HAS1: variants seen among roughly 807,000 people sequenced by gnomAD.
The protein encoded by HAS1 is HA synthase 1.
In HAS1, 27 loss-of-function variants were observed where a neutral mutation model predicts 35.0. The ratio of observed to expected loss-of-function variants is 0.77; its 90% CI spans 0.57 to 1.06. The LOEUF (loss-of-function observed/expected upper bound fraction) is 1.06, where lower values mean the gene tolerates loss of function less well. Ranked by LOEUF, HAS1 falls within the 50% of genes least tolerant of loss-of-function variation. HAS1 has a pLI of 0.00. For synonymous variants in HAS1, 409 were observed against 371.2 expected (o/e 1.10, Z -1.17); for missense variants, 940 against 814.8 (o/e 1.15, Z -1.87).
Position 51,713,235 on chromosome 19 carries a change from A to G in HAS1, c.*192T>C, listed in dbSNP as rs1197928850. On this transcript the variant is annotated 3_prime_UTR_variant, in exon 5 of 5. Transcript: ENST00000540069. The surrounding 1 kb of genome is among the most constrained non-coding windows in gnomAD (Gnocchi z 4.5). Reference sequence around the variant, plus strand: ...AGATCCCACACCCTGACCAATAAATACCCTCCCTGGAGACCCAGAAGTCCC... The same window carrying G: ...AGATCCCACACCCTGACCAATAAATGCCCTCCCTGGAGACCCAGAAGTCCC... 6.1e-6 allele frequency: 3 copies of G among 490,734 alleles called. No homozygotes were observed. In the East Asian group the frequency reaches 1.0e-4, roughly 16 times the overall value. The allele number at this position is 490,734 out of a possible 1,614,324, so 30.4% of individuals were successfully genotyped here.
rs1253704835 is a variant in HAS1, at chr19:51,713,364, G to T, written c.*63C>A. On this transcript the variant is annotated 3_prime_UTR_variant, in exon 5 of 5. Transcript: ENST00000540069. The surrounding 1 kb of genome is among the most constrained non-coding windows in gnomAD (Gnocchi z 4.5). ...ACCACCCAGCAAGTTCGTGGCTCGG[G>T]GCCCAGCAGCTCTCCTCTGGCCTCC... 7.1e-6 allele frequency: 10 copies of T among 1,402,656 alleles called. No homozygotes were observed. In the East Asian group the frequency reaches 2.2e-4, roughly 30 times the overall value. The allele number at this position is 1,402,656 out of a possible 1,614,324, so 86.9% of individuals were successfully genotyped here. A position where few individuals can be genotyped will look rare whatever the true frequency, so the allele number is the denominator to read the frequency against.
chr19:51,717,285 C>T lies in HAS1; in HGVS notation c.700-92G>A, dbSNP rs1270845140. 3.8e-6 allele frequency: 3 copies of T among 786,278 alleles called. No individual in the cohort carries two copies. In the African/African-American group the frequency reaches 5.1e-5, roughly 13 times the overall value. The allele number at this position is 786,278 out of a possible 1,614,324, so 48.7% of individuals were successfully genotyped here. On this transcript the variant is annotated intron_variant, in intron 2 of 4. Transcript: ENST00000540069. Reference sequence around the variant, plus strand: ...ATCAAGGGGTGCAATGCAGCTGGGGCACTCTGCAACCGATCTGAACATAAT... The same window carrying T: ...ATCAAGGGGTGCAATGCAGCTGGGGTACTCTGCAACCGATCTGAACATAAT...
chr19:51,714,126 G>T lies in HAS1; in HGVS notation c.1059-24C>A, dbSNP rs772837093. ...ACCTGCACGGGGGCGAGGAATGAGGGCATCATCGCGTGCTCCCTGGGGCCT... is the reference window on the plus strand; with the variant it reads ...ACCTGCACGGGGGCGAGGAATGAGGTCATCATCGCGTGCTCCCTGGGGCCT... On this transcript the variant is annotated intron_variant, in intron 4 of 4. Transcript: ENST00000540069. 4 of 1,600,022 alleles carry T rather than the reference G, an allele frequency of 2.5e-6. No individual in the cohort carries two copies. The South Asian group carries it at 4.5e-5, about 18-fold the overall frequency.
chr19:51,713,853 G>C lies in HAS1; in HGVS notation c.1308C>G (p.Cys436Trp), dbSNP rs540354288. ...RPWALLWVLL[C>W]VQGVALAKAA... ...CCTTGGCCAGTGCCACGCCCTGCAC[G>C]CACAGCAGCACCCACAGCAGCGCCC... Residue 436 changes from cysteine (C) to tryptophan (W), a missense_variant, in exon 5 of 5, where the codon TGC becomes TGG. Coordinates refer to ENST00000540069, the MANE Select transcript of HAS1 (RefSeq NM_001297436.2). The surrounding 1 kb of genome is among the most constrained non-coding windows in gnomAD (Gnocchi z 4.5). 1 of 1,606,720 alleles carries C rather than the reference G, an allele frequency of 6.2e-7. No homozygotes were observed. Among genetic ancestry groups the C allele is most frequent in the East Asian group, 2.2e-5 (1 of 44,854 alleles).
rs894394916 is a variant in HAS1, at chr19:51,719,406, G to T, written c.499C>A (p.Gln167Lys). 1 of 1,567,006 alleles carries T rather than the reference G, an allele frequency of 6.4e-7. No homozygotes were observed. Among genetic ancestry groups the T allele is most frequent in the East Asian group, 2.4e-5 (1 of 41,806 alleles). The change falls in exon 2 of 5, where the codon CAG (glutamine) becomes AAG (lysine). Residue 167 changes from glutamine to lysine, a missense_variant. By Grantham distance (53) the Gln-to-Lys change is moderately conservative. Coordinates refer to ENST00000540069, the MANE Select transcript of HAS1 (RefSeq NM_001297436.2). ...ATYVWDGNYH[Q>K]PWEPAAAGAV... ...CCCGCCGCCGCGGGTTCCCAGGGCTGGTGGTAGTTGCCGTCCCACACGTAC... is the reference window on the plus strand; with the variant it reads ...CCCGCCGCCGCGGGTTCCCAGGGCTTGTGGTAGTTGCCGTCCCACACGTAC...
intron 2 of HAS1, among the ~76,000 whole-genome samples, chr19:51,718,654 A>G (rs1038091827): frequency 6.6e-6 from 1 of 152,162 alleles, no homozygotes; most frequent in Admixed American, 6.5e-5. Flanking sequence ...CTCCTCCCTC[A>G]GCCTCCCGAG....
rs1176908583 is a variant in HAS1 at position 51,713,903 on chromosome 19, G to C, written c.1258C>G (p.Arg420Gly). 4.4e-6 allele frequency: 7 copies of C among 1,606,892 alleles called. No individual in the cohort carries two copies. Among genetic ancestry groups the C allele is most frequent in the East Asian group, 2.2e-5 (1 of 44,890 alleles). ...FPFFVAATVLRLFYAGRPWAL... is the reference protein window; with the variant it reads ...FPFFVAATVLGLFYAGRPWAL... Reference sequence around the variant, plus strand: ...CAAGGGCGGCCCGCGTAGAACAGACGCAGCACAGTGGCCGCCACGAAGAAG... The same window carrying C: ...CAAGGGCGGCCCGCGTAGAACAGACCCAGCACAGTGGCCGCCACGAAGAAG... The change falls in exon 5 of 5, where the codon CGT (arginine) becomes GGT (glycine). Residue 420 changes from arginine (R) to glycine (G), a missense_variant. By Grantham distance (125) the Arg-to-Gly change is moderately radical. Transcript: ENST00000540069. The surrounding 1 kb of genome is among the most constrained non-coding windows in gnomAD (Gnocchi z 4.5).
chr19:51,713,366 C>A lies in HAS1; in HGVS notation c.*61G>T. On this transcript the variant is annotated 3_prime_UTR_variant, in exon 5 of 5. Coordinates refer to ENST00000540069, the MANE Select transcript of HAS1 (RefSeq NM_001297436.2). This position sits in a 1 kb window ranked among gnomAD's most constrained non-coding sequence, Gnocchi z 4.5. ...CACCCAGCAAGTTCGTGGCTCGGGG[C>A]CCAGCAGCTCTCCTCTGGCCTCCCC... 7.1e-7 allele frequency: 1 copy of A among 1,406,472 alleles called. No homozygotes were observed. The allele number at this position is 1,406,472 out of a possible 1,614,324, so 87.1% of individuals were successfully genotyped here. A position where few individuals can be genotyped will look rare whatever the true frequency, so the allele number is the denominator to read the frequency against.
intron 1 of HAS1, among the ~76,000 whole-genome samples, chr19:51,720,897 G>A (rs1225343850): frequency 6.6e-6 from 1 of 152,114 alleles, no homozygotes; most frequent in Non-Finnish European, 1.5e-5. Flanking sequence ...CATACAATGA[G>A]GATTTATCTC....
chr19:51,717,015 GC>G lies in HAS1; in HGVS notation c.877del (p.Ala293LeufsTer16). 1 of 1,614,068 alleles carries G rather than the reference GC, an allele frequency of 6.2e-7. No individual in the cohort carries two copies. Among genetic ancestry groups the G allele is most frequent in the Admixed American group, 1.7e-5 (1 of 60,022 alleles). ...TACACAGTGGAAGTAGCTCTGACAA[GC>G]CCGCTCCACATTGAAGGCTACCCAG... is the stretch of plus-strand genomic sequence containing the variant. ...RYWVAFNVER[A>X]CQSYFHCVSC... is the part of the protein sequence containing the mutation. On this transcript the variant is annotated frameshift_variant, in exon 3 of 5. Coordinates refer to ENST00000540069, the MANE Select transcript of HAS1 (RefSeq NM_001297436.2). LOFTEE classifies it high-confidence loss of function.
In HAS1 at chr19:51,714,063, C is replaced by T. The variant is rs1467478519; in HGVS notation, c.1098G>A (p.Ser366=). 1.2e-6 allele frequency: 2 copies of T among 1,613,674 alleles called. No individual in the cohort carries two copies. The highest frequency in any genetic ancestry group is 1.7e-5 in the Admixed American group (1 of 59,956). The change falls in exon 5 of 5, where the codon TCG becomes TCA. Residue 366 remains serine, a synonymous_variant. Coordinates refer to ENST00000540069, the MANE Select transcript of HAS1 (RefSeq NM_001297436.2). ...GCTGGCTCAGCCACCGCAGGAAGGA[C>T]GAGGGCGTCTCTGAGTAGCAGCGGG... ...SRSRCYSETP[S]SFLRWLSQQT...
Position 51,713,680 on chromosome 19 carries a change from T to A in HAS1, c.1481A>T (p.Lys494Met), listed in dbSNP as rs1315878380. The A allele has an allele frequency of 6.3e-7, 1 of 1,587,376 alleles. No homozygotes were observed. The highest frequency in any genetic ancestry group is 1.3e-5 in the African/African-American group (1 of 74,360). ...QSGWGTSGRRKLAANYVPLLP... is the reference protein window; with the variant it reads ...QSGWGTSGRRMLAANYVPLLP... ...CAGAGGGACGTAGTTAGCGGCCAGC[T>A]TCCGCCGGCCCGAGGTGCCCCAGCC... is the stretch of plus-strand genomic sequence containing the variant. The change falls in exon 5 of 5, where the codon AAG becomes ATG. Residue 494 changes from lysine to methionine, a missense_variant. Lys to Met is a moderately conservative substitution (Grantham distance 95). Coordinates refer to ENST00000540069, the MANE Select transcript of HAS1 (RefSeq NM_001297436.2). This position sits in a 1 kb window ranked among gnomAD's most constrained non-coding sequence, Gnocchi z 4.5.
chr19:51,716,415 T>C (rs1174264409), intron 3 of HAS1, 27 bp from the exon 4 acceptor site: 2 of 1,589,612 alleles, frequency 1.3e-6, no homozygotes, highest in African/African-American at 1.3e-5. Context: ...TGTGAAAGAG[T>C]GTCAGCCTCT....
Position 51,713,354 on chromosome 19 carries a change from CG to C in HAS1, c.*72del. 1.5e-6 allele frequency: 2 copies of C among 1,372,494 alleles called. No homozygotes were observed. Among genetic ancestry groups the C allele is most frequent in the Non-Finnish European group, 1.9e-6 (2 of 1,047,746 alleles). The allele number at this position is 1,372,494 out of a possible 1,614,324, so 85.0% of individuals were successfully genotyped here. A position where few individuals can be genotyped will look rare whatever the true frequency, so the allele number is the denominator to read the frequency against. ...GGCCCAGAGAACCACCCAGCAAGTT[CG>C]TGGCTCGGGGCCCAGCAGCTCTCCT... On this transcript the variant is annotated 3_prime_UTR_variant, in exon 5 of 5. Coordinates refer to ENST00000540069, the MANE Select transcript of HAS1 (RefSeq NM_001297436.2). The surrounding 1 kb of genome is among the most constrained non-coding windows in gnomAD (Gnocchi z 4.5).
chr19:51,713,776 A>G lies in HAS1; in HGVS notation c.1385T>C (p.Leu462Pro), dbSNP rs538087580. The change falls in exon 5 of 5, where the codon CTC becomes CCC. Residue 462 changes from leucine to proline, a missense_variant. Coordinates refer to ENST00000540069, the MANE Select transcript of HAS1 (RefSeq NM_001297436.2). This position sits in a 1 kb window ranked among gnomAD's most constrained non-coding sequence, Gnocchi z 4.5. ...GCCACACATGTAGAGGGGCGCGTAG[A>G]GCGACAGAAGCACCATGCGCAGGCA... ...RGCLRMVLLS[L>P]YAPLYMCGLL... 1.2e-6 allele frequency: 2 copies of G among 1,604,854 alleles called. No individual in the cohort carries two copies. The highest frequency in any genetic ancestry group is 2.2e-5 in the South Asian group (2 of 90,072).
chr19:51,714,065 A>T lies in HAS1; in HGVS notation c.1096T>A (p.Ser366Thr). Residue 366 changes from serine to threonine, a missense_variant, in exon 5 of 5, where the codon TCG becomes ACG. By Grantham distance (58) the Ser-to-Thr change is moderately conservative. Transcript: ENST00000540069. ...SRSRCYSETP[S>T]SFLRWLSQQT... is the part of the protein sequence containing the mutation. ...TGGCTCAGCCACCGCAGGAAGGACG[A>T]GGGCGTCTCTGAGTAGCAGCGGGAC... The T allele has an allele frequency of 6.2e-7, 1 of 1,613,704 alleles. No individual in the cohort carries two copies. The highest frequency in any genetic ancestry group is 8.5e-7 in the Non-Finnish European group (1 of 1,179,890).
chr19:51,720,278 C>T (rs1291846340), intron 1 of HAS1, among the ~76,000 whole-genome samples: 1 of 151,730 alleles, frequency 6.6e-6, no homozygotes. Context: ...CAACTCCTGG[C>T]TAATTTTTAA....
In HAS1 at chr19:51,713,725, A is replaced by G. The variant is rs759740307; in HGVS notation, c.1436T>C (p.Leu479Pro). The change falls in exon 5 of 5, where the codon CTA becomes CCA. Residue 479 changes from leucine to proline, a missense_variant. Coordinates refer to ENST00000540069, the MANE Select transcript of HAS1 (RefSeq NM_001297436.2). The surrounding 1 kb of genome is among the most constrained non-coding windows in gnomAD (Gnocchi z 4.5). ...CCAGCCACTCTGGTTCATGGTGACT[A>G]GCGCCAGGAACTTGGCAGGCAGGAG... Reference protein sequence around the residue: ...CGLLPAKFLALVTMNQSGWGT... With the variant: ...CGLLPAKFLAPVTMNQSGWGT... The G allele has an allele frequency of 1.9e-6, 3 of 1,607,152 alleles. No homozygotes were observed. Among genetic ancestry groups the G allele is most frequent in the South Asian group, 2.2e-5 (2 of 90,178 alleles).
At position 51,719,205 on chromosome 19, in the gene HAS1, C is replaced by A. The variant is rs1261738388; in HGVS notation, c.699+1G>T. On this transcript the variant is annotated splice_donor_variant, in intron 2 of 4. Coordinates refer to ENST00000540069, the MANE Select transcript of HAS1 (RefSeq NM_001297436.2). LOFTEE classifies it high-confidence loss of function. Reference sequence around the variant, plus strand: ...AGTGGGCTGAAGGCGCCTCTACTCACCTGCACGTAGTCCACCGAATCTCCG... The same window carrying A: ...AGTGGGCTGAAGGCGCCTCTACTCAACTGCACGTAGTCCACCGAATCTCCG... 2 of 1,554,968 alleles carry A rather than the reference C, an allele frequency of 1.3e-6. No individual in the cohort carries two copies. Among genetic ancestry groups the A allele is most frequent in the Non-Finnish European group, 8.7e-7 (1 of 1,149,184 alleles).
Sources: gnomAD v4.1 joint callset for allele counts (sites outside exome capture counted in the v4.1 genomes callset) on GRCh38, gnomAD v4.1.1 for gene constraint, Gnocchi (gnomAD v3.1) non-coding constraint, MANE v1.5 for transcripts, NCBI Gene and HGNC (gene_info 2026-07-23, HGNC 2026-07-21) for gene names.